SAXO1: variants seen among roughly 807,000 people sequenced by gnomAD.
The protein encoded by SAXO1 is stabilizer of axonemal microtubules 1.
In SAXO1, 21 loss-of-function variants were observed where a neutral mutation model predicts 17.5. The observed-to-expected ratio is 1.20, with a 90% CI of 0.85 to 1.72. SAXO1 has a LOEUF of 1.72. Ranked by LOEUF, SAXO1 falls within the 40% of genes most tolerant of loss-of-function variation. The pLI, the probability that SAXO1 is intolerant of heterozygous loss-of-function variation, is 0.00. For missense variants in SAXO1, 843 were observed against 596.0 expected (o/e 1.41, Z -4.32); for synonymous variants, 274 against 216.5 (o/e 1.27, Z -2.33).
rs114198093 is a variant in SAXO1, at chr9:19,032,315, C to T, written c.38+556G>A. Among the ~76,000 whole-genome samples, 661 of 152,328 alleles carry T rather than the reference C, an allele frequency of 4.3e-3. 5 individuals carry two copies. Among genetic ancestry groups the T allele is most frequent in the African/African-American group, 0.015 (617 of 41,580 alleles). On this transcript the variant is annotated intron_variant, in intron 1 of 3. Transcript: ENST00000380534. ...TTCCCCCAGGACCACCTTTACTGCG[C>T]TTCCACCCAAAGATGGTCCTTAAAG... is the stretch of plus-strand genomic sequence containing the variant.
chr9:18,945,165 G>A (rs751328926), intron 2 of SAXO1, among the ~76,000 whole-genome samples: 5 of 152,116 alleles, frequency 3.3e-5, no homozygotes, highest in East Asian at 1.9e-4. Flanking sequence ...CTGTCTTCCA[G>A]AAAGTGTTGT....
intron 1 of SAXO1, among the ~76,000 whole-genome samples, chr9:19,019,819 C>A (rs1267229694): frequency 6.6e-6 from 1 of 152,106 alleles, no homozygotes; most frequent in Non-Finnish European, 1.5e-5. Context: ...GACCCCAAAT[C>A]CACTTTCACG....
intron 1 of SAXO1, among the ~76,000 whole-genome samples, chr9:18,981,479 G>T (rs1833381930): frequency 6.6e-6 from 1 of 152,070 alleles, no homozygotes; most frequent in Non-Finnish European, 1.5e-5. Flanking sequence ...AGATCCTCTG[G>T]GTAAGAGGCC....
intron 3 of SAXO1, among the ~76,000 whole-genome samples, chr9:18,933,519 A>T (rs1314960098): frequency 3.3e-5 from 5 of 151,416 alleles, no homozygotes; most frequent in African/African-American, 1.2e-4. Flanking sequence ...TTGTGCTGCC[A>T]TCTGGTATCA....
At chr9:19,035,796 C>T (rs572291994), upstream of SAXO1, among the ~76,000 whole-genome samples, 1 of 152,178 alleles carries the variant, frequency 6.6e-6, no homozygotes, top group Non-Finnish European at 1.5e-5. Context: ...TTTGCCCTGT[C>T]CTAGAGATCT....
intron 3 of SAXO1, among the ~76,000 whole-genome samples, chr9:18,940,704 T>G (rs932662148): frequency 6.6e-6 from 1 of 152,230 alleles, no homozygotes; most frequent in Non-Finnish European, 1.5e-5. Flanking sequence ...TCCAGTCTCA[T>G]GGTCTCAGTC....
intron 3 of SAXO1, among the ~76,000 whole-genome samples, chr9:18,938,879 T>C (rs1831427165): frequency 6.6e-6 from 1 of 150,666 alleles, no homozygotes; most frequent in Admixed American, 6.6e-5. Flanking sequence ...GAGCGGTAAG[T>C]AGTCTGCTGG....
intron 3 of SAXO1, among the ~76,000 whole-genome samples, chr9:18,934,766 A>G (rs1831217087): frequency 6.6e-6 from 1 of 152,174 alleles, no homozygotes; most frequent in South Asian, 2.1e-4. Context: ...AACACTTTAG[A>G]TAATATGCTG....
chr9:18,978,949 C>T (rs908719992), intron 1 of SAXO1, among the ~76,000 whole-genome samples: 2 of 152,148 alleles, frequency 1.3e-5, no homozygotes, highest in East Asian at 1.9e-4. Flanking sequence ...AAGAAAGACT[C>T]CAAGGCCTCA....
At chr9:18,999,751 G>C (rs1337100223) in intron 1 of SAXO1, among the ~76,000 whole-genome samples, 1 of 148,742 alleles carries the variant, frequency 6.7e-6, no homozygotes, top group Non-Finnish European at 1.5e-5. Flanking sequence ...TGGGAAGTGA[G>C]GAGCGCCTCT....
intron 1 of SAXO1, among the ~76,000 whole-genome samples, chr9:18,997,748 C>G (rs1834068572): frequency 6.6e-6 from 1 of 152,164 alleles, no homozygotes; most frequent in African/African-American, 2.4e-5. Flanking sequence ...GGGTGCCGAT[C>G]AAGGATGAAG....
At chr9:18,987,474 A>G (rs1482212211) in intron 1 of SAXO1, among the ~76,000 whole-genome samples, 1 of 152,252 alleles carries the variant, frequency 6.6e-6, no homozygotes, top group Non-Finnish European at 1.5e-5. Flanking sequence ...TGCTAAGGCA[A>G]GGAAATATGA....
chr9:19,008,198 G>C (rs1834569468), intron 1 of SAXO1, among the ~76,000 whole-genome samples: 1 of 152,036 alleles, frequency 6.6e-6, no homozygotes, highest in Non-Finnish European at 1.5e-5. Flanking sequence ...TGGTGATCTT[G>C]AACTCCTAAG....
intron 1 of SAXO1, among the ~76,000 whole-genome samples, chr9:18,965,512 G>A (rs1832680242): frequency 6.6e-6 from 1 of 151,780 alleles, no homozygotes; most frequent in Admixed American, 6.6e-5. Context: ...TAATGCCATT[G>A]TCTTATTTGA....
upstream of SAXO1, among the ~76,000 whole-genome samples, chr9:19,033,600 A>G (rs557371899): frequency 1.3e-5 from 2 of 152,336 alleles, no homozygotes; most frequent in East Asian, 1.9e-4. Flanking sequence ...CTTTGGCTTC[A>G]GATGTCTGTT....
rs761044464 is a variant in SAXO1, at chr9:18,928,290, G to C, written c.1187C>G (p.Pro396Arg). The C allele has an allele frequency of 1.5e-5, 24 of 1,612,600 alleles. No homozygotes were observed. The highest frequency in any genetic ancestry group is 2.0e-5 in the Non-Finnish European group (24 of 1,178,994). The part of the protein sequence containing the change: ...TKSCKPHWSG[P>R]RGNVPVESQT... ...GCTTTCCACAGGGACATTTCCTCGAGGGCCAGACCAATGAGGCTTACAGCT... is the reference window on the plus strand; with the variant it reads ...GCTTTCCACAGGGACATTTCCTCGACGGCCAGACCAATGAGGCTTACAGCT... Residue 396 changes from proline (P) to arginine (R), a missense_variant, in exon 4 of 4, where the codon CCT (proline) becomes CGT (arginine). Pro to Arg is a moderately radical substitution (Grantham distance 103). Transcript: ENST00000380534.
intron 1 of SAXO1, among the ~76,000 whole-genome samples, chr9:19,011,494 T>C (rs1220390190): frequency 6.6e-6 from 1 of 152,332 alleles, no homozygotes; most frequent in Non-Finnish European, 1.5e-5. Context: ...CCCAAAGTTT[T>C]CATAAGCATC....
chr9:18,965,232 G>C (rs1832667458), intron 1 of SAXO1, among the ~76,000 whole-genome samples: 1 of 152,216 alleles, frequency 6.6e-6, no homozygotes, highest in Non-Finnish European at 1.5e-5. Context: ...TGTATATTCT[G>C]TTGATTTGGA....
At chr9:18,930,714 G>A (rs1831004637) in intron 3 of SAXO1, among the ~76,000 whole-genome samples, 1 of 152,154 alleles carries the variant, frequency 6.6e-6, no homozygotes, top group Non-Finnish European at 1.5e-5. Context: ...GGTCAGGCTG[G>A]TCTCGAACTC....
Sources: allele counts gnomAD v4.1 joint callset (sites outside exome capture counted in the v4.1 genomes callset), GRCh38; gene constraint gnomAD v4.1.1; transcripts MANE v1.5; gene names NCBI Gene and HGNC (gene_info 2026-07-23, HGNC 2026-07-21).